DCUN1D2: variants seen among roughly 807,000 people sequenced by gnomAD.
DCUN1D2 encodes the protein DCN1-like protein 2.
In DCUN1D2, 29 loss-of-function variants were observed where a neutral mutation model predicts 30.9. The ratio of observed to expected loss-of-function variants is 0.94; its 90% confidence interval spans 0.70 to 1.28. The LOEUF (loss-of-function observed/expected upper bound fraction) is 1.28. Ranked by LOEUF, DCUN1D2 falls within the 50% of genes most tolerant of loss-of-function variation. The probability of loss-of-function intolerance (pLI) is 0.00; values close to 1 mark genes in which losing one functional copy is unlikely to be tolerated. For synonymous variants in DCUN1D2, 121 were observed against 115.3 expected (o/e 1.05, Z -0.32); for missense variants, 325 against 316.9 (o/e 1.03, Z -0.19).
At chr13:113,463,298 C>T (rs938348720) in intron 4 of DCUN1D2, among the ~76,000 whole-genome samples, 1 of 152,176 alleles carries the variant, frequency 6.6e-6, no homozygotes, top group African/African-American at 2.4e-5. Context: ...TGATGCTCCA[C>T]TTAGGATTAG....
At chr13:113,464,718 G>C (rs1473348239) in intron 4 of DCUN1D2, among the ~76,000 whole-genome samples, 1 of 152,264 alleles carries the variant, frequency 6.6e-6, no homozygotes, top group Non-Finnish European at 1.5e-5. Flanking sequence ...CCATGGCGGA[G>C]AGCAGCACGG....
chr13:113,466,029 G>C (rs2044397697), intron 4 of DCUN1D2, among the ~76,000 whole-genome samples: 1 of 152,108 alleles, frequency 6.6e-6, no homozygotes, highest in Non-Finnish European at 1.5e-5. Flanking sequence ...GGGACTACAG[G>C]TGTGTGCCAC....
At chr13:113,477,343 T>C (rs1253717713) in intron 3 of DCUN1D2, among the ~76,000 whole-genome samples, 3 of 152,366 alleles carry the variant, frequency 2.0e-5, no homozygotes, top group Admixed American at 2.0e-4. Context: ...GTATCACACA[T>C]CTTCAATCCA....
rs1215409539 is a variant in DCUN1D2, at chr13:113,484,063, G to A, written c.4-7C>T. ...GAGACGATTTAAGCTTATGCTTTGG[G>A]ATGCAAAAGAAGTAGGAAAGCCAAT... On this transcript the variant is annotated splice_polypyrimidine_tract_variant and splice_region_variant and intron_variant, in intron 1 of 6. Coordinates refer to ENST00000478244, the MANE Select transcript of DCUN1D2 (RefSeq NM_001014283.2). 6.2e-7 allele frequency: 1 copy of A among 1,612,958 alleles called. No homozygotes were observed. The highest frequency in any genetic ancestry group is 8.5e-7 in the Non-Finnish European group (1 of 1,179,902).
At chr13:113,480,433 G>A (rs77589192) in intron 3 of DCUN1D2, 142 bp downstream of exon 3, 7,609 of 680,936 alleles carry the variant, frequency 0.011, 200 homozygotes, top group East Asian at 0.096. Context: ...TTGATAGTGC[G>A]GAGAGTACAG....
intron 1 of DCUN1D2, among the ~76,000 whole-genome samples, chr13:113,486,709 T>G (rs2044810596): frequency 6.6e-6 from 1 of 152,172 alleles, no homozygotes; most frequent in African/African-American, 2.4e-5. Flanking sequence ...TGCAGGCAGC[T>G]TTGCATAAAA....
chr13:113,470,717 T>G (rs1408426323), intron 4 of DCUN1D2, among the ~76,000 whole-genome samples: 1,518 of 44,374 alleles, frequency 0.034, no homozygotes, highest in African/African-American at 0.038. Flanking sequence ...CTCCACAGAA[T>G]ACCCAACTCC....
At chr13:113,472,083 C>G (rs2139706135) in intron 4 of DCUN1D2, among the ~76,000 whole-genome samples, 1 of 150,404 alleles carries the variant, frequency 6.6e-6, no homozygotes, top group East Asian at 2.0e-4. Flanking sequence ...CTGGTGGAGA[C>G]AGCATTCGTT....
chr13:113,488,973 G>T lies in DCUN1D2; in HGVS notation c.3+1694C>A. 1 of 270,202 alleles carries T rather than the reference G, an allele frequency of 3.7e-6. No homozygotes were observed. Among genetic ancestry groups the T allele is most frequent in the Non-Finnish European group, 5.7e-6 (1 of 175,918 alleles). The allele number at this position is 270,202 out of a possible 1,614,324, so 16.7% of individuals were successfully genotyped here. On this transcript the variant is annotated intron_variant, in intron 1 of 6. Transcript: ENST00000478244. The surrounding 1 kb of genome is among the most constrained non-coding windows in gnomAD (Gnocchi z 4.3). ...AATAAAATCTCTAAACTATAAAAAA[G>T]TCTCAAACACTTTAATTGTGACCTT...
intron 4 of DCUN1D2, among the ~76,000 whole-genome samples, chr13:113,469,655 C>G (rs2044469532): frequency 6.6e-6 from 1 of 151,858 alleles, no homozygotes; most frequent in Non-Finnish European, 1.5e-5. Flanking sequence ...TAAACCTGGG[C>G]AACGGAGGGA....
At chr13:113,490,805 C>A, upstream of DCUN1D2, 1 of 807,984 alleles carries the variant, frequency 1.2e-6, no homozygotes. The surrounding 1 kb of genome is among the most constrained non-coding windows in gnomAD (Gnocchi z 5.2). Flanking sequence ...ACTCCCACTC[C>A]CGGCATGCTC....
At chr13:113,459,485 C>T (rs182645688) in intron 5 of DCUN1D2, 77 bp from the exon 6 acceptor site, 75 of 694,050 alleles carry the variant, frequency 1.1e-4, no homozygotes, top group Non-Finnish European at 1.7e-4. Flanking sequence ...AGTGGCCTAG[C>T]GATCTTCAAT....
intron 4 of DCUN1D2, among the ~76,000 whole-genome samples, chr13:113,462,029 GAT>G (rs2044326456): frequency 6.6e-6 from 1 of 151,758 alleles, no homozygotes; most frequent in South Asian, 2.1e-4. Context: ...GAGGCGGGTG[GAT>G]CACCTGAGGT....
In DCUN1D2 at chr13:113,461,147, G is replaced by C; in HGVS notation, c.521-11C>G. On this transcript the variant is annotated splice_polypyrimidine_tract_variant and intron_variant, in intron 4 of 6. Coordinates refer to ENST00000478244, the MANE Select transcript of DCUN1D2 (RefSeq NM_001014283.2). ...CAGCCATTTCTAAGTCTGGTAAAAA[G>C]AAAGAAAGAGCAGTTAGTAAATCTC... 2.6e-6 allele frequency: 4 copies of C among 1,553,158 alleles called. No individual in the cohort carries two copies. Among genetic ancestry groups the C allele is most frequent in the Admixed American group, 1.7e-5 (1 of 58,450 alleles).
chr13:113,477,399 G>A (rs942571255), intron 3 of DCUN1D2, among the ~76,000 whole-genome samples: 4 of 144,828 alleles, frequency 2.8e-5, no homozygotes, highest in Non-Finnish European at 4.5e-5. Context: ...GAAAGATGAC[G>A]TAGATTTTAC....
chr13:113,465,607 CA>C (rs1015152818), intron 4 of DCUN1D2, among the ~76,000 whole-genome samples: 2 of 151,414 alleles, frequency 1.3e-5, no homozygotes, highest in African/African-American at 4.9e-5. Context: ...TGACAGAGCC[CA>C]AGAACACCGA....
At position 113,461,223 on chromosome 13, in the gene DCUN1D2, T is replaced by C. The variant is rs74115891; in HGVS notation, c.521-87A>G. ...ACGACCACTTCTTAGCATGTCAATA[T>C]TTACTTAATAAAATGTGGCAATCTC... On this transcript the variant is annotated intron_variant, in intron 4 of 6. Coordinates refer to ENST00000478244, the MANE Select transcript of DCUN1D2 (RefSeq NM_001014283.2). 3.7e-6 allele frequency: 3 copies of C among 807,878 alleles called. No homozygotes were observed. The East Asian group carries it at 8.0e-5, about 21-fold the overall frequency. The allele number at this position is 807,878 out of a possible 1,614,324, so 50.0% of individuals were successfully genotyped here. A position where few individuals can be genotyped will look rare whatever the true frequency, so the allele number is the denominator to read the frequency against.
intron 4 of DCUN1D2, among the ~76,000 whole-genome samples, chr13:113,462,248 G>A (rs568470800): frequency 1.7e-4 from 24 of 142,418 alleles, no homozygotes; most frequent in African/African-American, 5.4e-4. Context: ...GCGAAACTCC[G>A]TCTCAAAAAA....
chr13:113,464,713 G>A (rs1160618276), intron 4 of DCUN1D2, among the ~76,000 whole-genome samples: 7 of 152,252 alleles, frequency 4.6e-5, no homozygotes, highest in Admixed American at 3.9e-4. Flanking sequence ...GGAGGCCATG[G>A]CGGAGAGCAG....
Sources: gnomAD v4.1 joint callset for allele counts (sites outside exome capture counted in the v4.1 genomes callset) on GRCh38, gnomAD v4.1.1 for gene constraint, Gnocchi (gnomAD v3.1) non-coding constraint, MANE v1.5 for transcripts, NCBI Gene and HGNC (gene_info 2026-07-23, HGNC 2026-07-21) for gene names.